CYFIP1: variants seen among roughly 807,000 people sequenced by gnomAD.
CYFIP1 encodes cytoplasmic FMR1-interacting protein 1.
In CYFIP1, 58 loss-of-function variants were observed where a neutral mutation model predicts 163.5. That is an observed-to-expected ratio of 0.35 (90% CI 0.29 to 0.44). The LOEUF (loss-of-function observed/expected upper bound fraction) is 0.44, where lower values mean the gene tolerates loss of function less well. Among genes scored for constraint, CYFIP1 ranks in the 20% least tolerant of loss-of-function variants. The probability of loss-of-function intolerance (pLI) is 1.00; values close to 1 mark genes in which losing one functional copy is unlikely to be tolerated. For synonymous variants in CYFIP1, 663 were observed against 660.7 expected, an observed-to-expected ratio of 1.00 and a Z score of -0.05; for missense variants, 1,338 against 1,653.8, an observed-to-expected ratio of 0.81 and a Z score of 3.31.
Position 22,917,606 on chromosome 15 carries a change from T to C in CYFIP1, c.1674+182A>G. ...CATCTGACAATCAAGGCACGTCTCC[T>C]CACGCTCCCAACTCACTTGGGTGGG... On this transcript the variant is annotated intron_variant, in intron 15 of 30. Coordinates refer to ENST00000617928, the MANE Select transcript of CYFIP1 (RefSeq NM_014608.6). The surrounding 1 kb of genome is among the most constrained non-coding windows in gnomAD (Gnocchi z 4.2). The C allele has an allele frequency of 1.3e-6, 1 of 742,658 alleles. No homozygotes were observed. Among genetic ancestry groups the C allele is most frequent in the Non-Finnish European group, 2.1e-6 (1 of 480,744 alleles). 46.0% of individuals were successfully genotyped at this position (742,658 alleles called of 1,614,324 possible). A position where few individuals can be genotyped will look rare whatever the true frequency, so the allele number is the denominator to read the frequency against.
intron 19 of CYFIP1, 31 bp from the exon 20 acceptor site, chr15:22,910,659 A>G: frequency 6.2e-7 from 1 of 1,608,870 alleles, no homozygotes; most frequent in Non-Finnish European, 8.5e-7. Flanking sequence ...AAAGTTTTTC[A>G]TACGCCATAA....
intron 12 of CYFIP1, 150 bp downstream of exon 12, chr15:22,927,756 T>C (rs2142185040): frequency 1.4e-6 from 1 of 692,960 alleles, no homozygotes; most frequent in Non-Finnish European, 2.2e-6. Context: ...ATAAATGAGA[T>C]GTACTTAAAA....
chr15:22,925,807 G>A (rs1595618027), intron 13 of CYFIP1, among the ~76,000 whole-genome samples, 175 bp downstream of exon 13: 1 of 152,102 alleles, frequency 6.6e-6, no homozygotes, highest in South Asian at 2.1e-4. Flanking sequence ...ACCCAGGACC[G>A]ACAACCACTG....
chr15:22,868,683 C>CTTACTACTT lies in CYFIP1; in HGVS notation c.*1344_*1345insAAGTAGTAA, dbSNP rs1566899739. On this transcript the variant is annotated 3_prime_UTR_variant, in exon 31 of 31. Transcript: ENST00000617928. The stretch of plus-strand genomic sequence containing the variant: ...TGTAACAGGATGGTTCGTACACTTA[C>CTTACTACTT]TACTTTTCTGTGCCGTGCATCATAT... 1 of 151,898 alleles carries CTTACTACTT rather than the reference C, an allele frequency of 6.6e-6. No homozygotes were observed. The highest frequency in any genetic ancestry group is 2.4e-5 in the African/African-American group (1 of 41,232). 9.4% of individuals were successfully genotyped at this position (151,898 alleles called of 1,614,324 possible).
At chr15:22,897,549 T>C (rs576747857) in intron 22 of CYFIP1, among the ~76,000 whole-genome samples, 87 of 152,130 alleles carry the variant, frequency 5.7e-4, no homozygotes, top group Admixed American at 1.9e-3. Flanking sequence ...AGTCGCGCAT[T>C]CTTGGCTCAC....
rs112433925 is a variant in CYFIP1 at position 22,914,425 on chromosome 15, C to CTT, written c.1985+299_1985+300dup. Reference sequence around the variant, plus strand: ...CTTTACCCCAGGAAACATGATTTCTCTTTTTTTTTTTTTTATTTGGAGACA... The same window carrying CTT: ...CTTTACCCCAGGAAACATGATTTCTCTTTTTTTTTTTTTTTTATTTGGAGACA... On this transcript the variant is annotated intron_variant, in intron 17 of 30. Coordinates refer to ENST00000617928, the MANE Select transcript of CYFIP1 (RefSeq NM_014608.6). 1.9e-3 allele frequency among the ~76,000 whole-genome samples: 275 copies of CTT among 145,452 alleles called. 1 individual carries two copies. The highest frequency in any genetic ancestry group is 0.01 in the East Asian group (52 of 5,008).
At chr15:22,944,964 A>G in intron 3 of CYFIP1, 25 bp from the exon 4 acceptor site, 1 of 1,606,436 alleles carries the variant, frequency 6.2e-7, no homozygotes, top group South Asian at 1.1e-5. Context: ...AGGGCAAATC[A>G]AAGGCAGGCG....
chr15:22,923,052 G>T (rs1417948015), intron 13 of CYFIP1, among the ~76,000 whole-genome samples: 1 of 151,638 alleles, frequency 6.6e-6, no homozygotes, highest in East Asian at 1.9e-4. Context: ...TCATGACCTG[G>T]GTTACACAAT....
chr15:22,886,963 T>G (rs1305683967), intron 23 of CYFIP1, among the ~76,000 whole-genome samples: 3 of 152,228 alleles, frequency 2.0e-5, no homozygotes, highest in Admixed American at 2.0e-4. Flanking sequence ...AGCCTTGTTG[T>G]TTGACGCATA....
chr15:22,893,073 C>T, intron 22 of CYFIP1, 96 bp from the exon 23 acceptor site: 1 of 851,972 alleles, frequency 1.2e-6, no homozygotes, highest in Non-Finnish European at 1.9e-6. Context: ...CTAAATCTTC[C>T]TCCCAGTCAA....
chr15:22,918,703 G>T lies in CYFIP1; in HGVS notation c.1515C>A (p.Asn505Lys). The change falls in exon 14 of 31, where the codon AAC becomes AAA. Residue 505 changes from asparagine to lysine, a missense_variant. By Grantham distance (94) the Asn-to-Lys change is moderately conservative (BLOSUM62 0). Around this residue, in one of 4 missense-constraint regions of CYFIP1, gnomAD observed 824 missense variants for 995.7 expected, o/e 0.83. Coordinates refer to ENST00000617928, the MANE Select transcript of CYFIP1 (RefSeq NM_014608.6). The stretch of plus-strand genomic sequence containing the variant: ...TGGGGAAGGCTGACCTCTGGATGAC[G>T]TTCTTCTTCTTCTTGATGGCCTGCC... ...PLRQAIKKKK[N>K]VIQSVLQAIR... is the part of the protein sequence containing the mutation. 1 of 1,601,410 alleles carries T rather than the reference G, an allele frequency of 6.2e-7. No individual in the cohort carries two copies. The highest frequency in any genetic ancestry group is 1.7e-5 in the Admixed American group (1 of 57,942).
intron 30 of CYFIP1, 109 bp from the exon 31 acceptor site, chr15:22,870,301 G>A (rs1019379332): frequency 1.1e-5 from 15 of 1,333,230 alleles, no homozygotes; most frequent in African/African-American, 1.5e-5. Context: ...ATAGCAAACG[G>A]AATTGACACA....
chr15:22,956,208 A>G (rs1231704979), intron 1 of CYFIP1, among the ~76,000 whole-genome samples: 2 of 152,020 alleles, frequency 1.3e-5, no homozygotes, highest in African/African-American at 2.4e-5. Context: ...CTCTGTCTCA[A>G]AAAAAATAAA....
rs185148496 is a variant in CYFIP1, at chr15:22,968,110, T to G, written c.-7+12177A>C. Among the ~76,000 whole-genome samples, 519 of 152,182 alleles carry G rather than the reference T, an allele frequency of 3.4e-3. 4 individuals are homozygous for G. The highest frequency in any genetic ancestry group is 5.4e-3 in the Non-Finnish European group (369 of 68,010). On this transcript the variant is annotated intron_variant, in intron 1 of 30. Transcript: ENST00000617928. ...AAGATAGCGCCACTGCACTCCAGCT[T>G]GGGCGACACAGCGAGACTCCATCTC...
At chr15:22,966,119 CGGGT>C (rs1271247727) in intron 1 of CYFIP1, among the ~76,000 whole-genome samples, 1 of 151,634 alleles carries the variant, frequency 6.6e-6, no homozygotes, top group Non-Finnish European at 1.5e-5. Flanking sequence ...GAGGCCGAGG[CGGGT>C]GGATCACCTG....
chr15:22,957,472 T>TAAG (rs2062510085), intron 1 of CYFIP1, among the ~76,000 whole-genome samples: 4 of 152,108 alleles, frequency 2.6e-5, no homozygotes, highest in Admixed American at 2.6e-4. Flanking sequence ...CCACCTCTAC[T>TAAG]AAAAATACAA....
intron 17 of CYFIP1, 133 bp from the exon 18 acceptor site, chr15:22,912,408 A>C: frequency 1.6e-6 from 1 of 616,314 alleles, no homozygotes; most frequent in Non-Finnish European, 2.7e-6. Context: ...CACTTCAAAC[A>C]CCAGTCCTCC....
chr15:22,924,036 A>G (rs1873690101), intron 13 of CYFIP1, among the ~76,000 whole-genome samples: 1 of 151,834 alleles, frequency 6.6e-6, no homozygotes, highest in African/African-American at 2.4e-5. Flanking sequence ...CTATCATCTG[A>G]TGGATGGATA....
intron 28 of CYFIP1, among the ~76,000 whole-genome samples, chr15:22,874,323 A>C (rs1320198717): frequency 6.6e-6 from 1 of 152,222 alleles, no homozygotes; most frequent in Non-Finnish European, 1.5e-5. Flanking sequence ...TGTAAGCCTT[A>C]CGTGCCAGGT....
Sources: gnomAD v4.1 joint callset for allele counts (sites outside exome capture counted in the v4.1 genomes callset) on GRCh38, gnomAD v4.1.1 for gene constraint, gnomAD v4.1.1 regional missense constraint, Gnocchi (gnomAD v3.1) non-coding constraint, MANE v1.5 for transcripts, NCBI Gene and HGNC (gene_info 2026-07-23, HGNC 2026-07-21) for gene names.